Variants in SPCS2 observed in about 807,000 individuals in gnomAD.
The protein encoded by SPCS2 is signal peptidase complex subunit 2.
Under a neutral mutation model 22.3 loss-of-function variants are expected in SPCS2, and 3 were observed. That is an observed-to-expected ratio of 0.13 (90% CI 0.06 to 0.35). The LOEUF (loss-of-function observed/expected upper bound fraction) is 0.35. SPCS2 is among the 10% of genes least tolerant of loss of function. SPCS2 has a pLI of 1.00. For missense variants in SPCS2, 169 were observed against 280.9 expected (o/e 0.60, Z 2.85); for synonymous variants, 67 against 97.2 (o/e 0.69, Z 1.83).
At chr11:74,952,612 C>G (rs1948453771) in intron 1 of SPCS2, among the ~76,000 whole-genome samples, 2 of 152,162 alleles carry the variant, frequency 1.3e-5, no homozygotes, top group Non-Finnish European at 2.9e-5. Flanking sequence ...CCACCGCACC[C>G]AGCTCTGTTC....
intron 1 of SPCS2, 149 bp downstream of exon 1, chr11:74,949,548 G>C (rs772882248): frequency 9.7e-6 from 7 of 723,634 alleles, no homozygotes; most frequent in African/African-American, 3.5e-5. Flanking sequence ...CACGCTTGGA[G>C]CCTGCCCTTG....
rs946014796 is a variant in SPCS2, at chr11:74,969,515, T to C, written c.360-50T>C. 1.3e-5 allele frequency: 21 copies of C among 1,563,692 alleles called. 1 individual carries two copies. The Admixed American group carries it at 3.1e-4, about 23-fold the overall frequency. On this transcript the variant is annotated intron_variant, in intron 3 of 4. Coordinates refer to ENST00000263672, the MANE Select transcript of SPCS2 (RefSeq NM_014752.3). ...TTTATATCTGTTGCTTGTCAATTTG[T>C]GTTACTTCTCTTTTATGTTTGGGTA...
At chr11:74,968,139 T>C (rs1948557954) in intron 3 of SPCS2, 1 of 152,216 alleles carries the variant, frequency 6.6e-6, no homozygotes. Flanking sequence ...TACTTTGTAC[T>C]ATATTTTCCT....
chr11:74,960,198 GAC>G (rs1188036657), intron 1 of SPCS2, among the ~76,000 whole-genome samples: 1 of 152,216 alleles, frequency 6.6e-6, no homozygotes, highest in Admixed American at 6.5e-5. Flanking sequence ...TGACTGTGAT[GAC>G]ACTTGTCTGT....
At chr11:74,959,629 C>T (rs943543549) in intron 1 of SPCS2, among the ~76,000 whole-genome samples, 72 of 152,186 alleles carry the variant, frequency 4.7e-4, no homozygotes, top group African/African-American at 1.7e-3. Flanking sequence ...TCTCAGACTC[C>T]TGAACTCAAG....
At chr11:74,969,834 T>A in intron 4 of SPCS2, 135 bp downstream of exon 4, 1 of 1,057,208 alleles carries the variant, frequency 9.5e-7, no homozygotes, top group Non-Finnish European at 1.4e-6. Context: ...AAGAAAGGAG[T>A]ATGGATGATC....
intron 1 of SPCS2, among the ~76,000 whole-genome samples, chr11:74,962,806 A>C (rs1023140389): frequency 1.3e-5 from 2 of 152,178 alleles, no homozygotes. Flanking sequence ...AATTCACTGG[A>C]AATGTTTCTT....
chr11:74,959,789 G>A (rs1948501453), intron 1 of SPCS2, among the ~76,000 whole-genome samples: 1 of 152,158 alleles, frequency 6.6e-6, no homozygotes, highest in Non-Finnish European at 1.5e-5. Flanking sequence ...CCTCAAATGA[G>A]TTAATTTGGA....
Position 74,966,556 on chromosome 11 carries a change from GA to G in SPCS2, c.359+634del, listed in dbSNP as rs200233270. Among the ~76,000 whole-genome samples the G allele has an allele frequency of 3.5e-4, 53 of 152,262 alleles. 1 individual carries two copies. In the East Asian group the frequency reaches 9.8e-3, roughly 28 times the overall value. On this transcript the variant is annotated intron_variant, in intron 3 of 4. Transcript: ENST00000263672. ...TTCAGAATTATCATAAAGATTAAATGAGAGATTTTATATTGTATTTGATACA... is the reference window on the plus strand; with the variant it reads ...TTCAGAATTATCATAAAGATTAAATGGAGATTTTATATTGTATTTGATACA...
At chr11:74,959,596 T>G (rs1415890053) in intron 1 of SPCS2, among the ~76,000 whole-genome samples, 1 of 152,060 alleles carries the variant, frequency 6.6e-6, no homozygotes, top group Non-Finnish European at 1.5e-5. Context: ...TACGGAGGAG[T>G]CTTGCTATGT....
chr11:74,963,454 T>G (rs1948525520), intron 1 of SPCS2: 1 of 308,954 alleles, frequency 3.2e-6, no homozygotes, highest in African/African-American at 2.3e-5. Flanking sequence ...AGAATCACAG[T>G]TAAAAAAAAA....
At chr11:74,953,221 T>C (rs2140213188) in intron 1 of SPCS2, among the ~76,000 whole-genome samples, 1 of 152,056 alleles carries the variant, frequency 6.6e-6, no homozygotes, top group South Asian at 2.1e-4. Context: ...AATATAATTT[T>C]TTTTTTTTTT....
rs1387222234 is a variant in SPCS2 at position 74,977,811 on chromosome 11, AT to A, written c.*773del. The A allele has an allele frequency of 6.6e-6, 1 of 152,464 alleles. No homozygotes were observed. The highest frequency in any genetic ancestry group is 1.5e-5 in the Non-Finnish European group (1 of 67,988). The allele number at this position is 152,464 out of a possible 1,614,324, so 9.4% of individuals were successfully genotyped here. A position where few individuals can be genotyped will look rare whatever the true frequency, so the allele number is the denominator to read the frequency against. On this transcript the variant is annotated 3_prime_UTR_variant, in exon 5 of 5. Coordinates refer to ENST00000263672, the MANE Select transcript of SPCS2 (RefSeq NM_014752.3). ...CATCTTTCTACTATAGGTTTTTTTC[AT>A]TTTTAGGCTATTTTACTTGTCAAAG...
intron 1 of SPCS2, among the ~76,000 whole-genome samples, chr11:74,960,437 T>C (rs182075948): frequency 1.8e-3 from 271 of 152,056 alleles, no homozygotes; most frequent in African/African-American, 6.1e-3. Context: ...TGGTTTTACA[T>C]TGGGGGGGGA....
At chr11:74,960,463 A>T (rs778352045) in intron 1 of SPCS2, among the ~76,000 whole-genome samples, 1 of 149,238 alleles carries the variant, frequency 6.7e-6, no homozygotes, top group Non-Finnish European at 1.5e-5. Flanking sequence ...AACATTTTTG[A>T]TACCCTGTGA....
At chr11:74,951,004 C>T (rs980316529) in intron 1 of SPCS2, among the ~76,000 whole-genome samples, 2 of 152,202 alleles carry the variant, frequency 1.3e-5, no homozygotes, top group South Asian at 2.1e-4. Context: ...TTACCTGCCC[C>T]ACTAACTGCT....
intron 1 of SPCS2, among the ~76,000 whole-genome samples, chr11:74,959,736 C>T (rs1289124935): frequency 6.6e-6 from 1 of 152,100 alleles, no homozygotes; most frequent in Non-Finnish European, 1.5e-5. Context: ...CCACCCTATC[C>T]CTTTGAGTGT....
chr11:74,964,180 T>G (rs940494833), intron 1 of SPCS2, among the ~76,000 whole-genome samples: 1 of 152,224 alleles, frequency 6.6e-6, no homozygotes, highest in African/African-American at 2.4e-5. Context: ...TGAGTAGCCT[T>G]GTATTTCATT....
chr11:74,950,022 C>T (rs1021883326), intron 1 of SPCS2, among the ~76,000 whole-genome samples: 1 of 152,074 alleles, frequency 6.6e-6, no homozygotes, highest in Non-Finnish European at 1.5e-5. Flanking sequence ...CACTGCTGCC[C>T]GCTCACGCTT....
Sources: gnomAD v4.1 joint callset for allele counts (sites outside exome capture counted in the v4.1 genomes callset) on GRCh38, gnomAD v4.1.1 for gene constraint, MANE v1.5 for transcripts, NCBI Gene and HGNC (gene_info 2026-07-23, HGNC 2026-07-21) for gene names.